Variants in SEC31A observed in about 807,000 individuals in gnomAD.
SEC31A encodes protein transport protein Sec31A.
A neutral mutation model predicts 151.0 loss-of-function variants in SEC31A; 70 were observed. The ratio of observed to expected loss-of-function variants is 0.46; its 90% CI spans 0.38 to 0.57. SEC31A has a LOEUF of 0.57. SEC31A is among the 20% of genes least tolerant of loss of function. SEC31A has a pLI of 0.00. For synonymous variants in SEC31A, 475 were observed against 505.9 expected (o/e 0.94, Z 0.82); for missense variants, 1,330 against 1,471.2 (o/e 0.90, Z 1.57).
At chr4:82,829,322 G>A (rs1405791571) in intron 22 of SEC31A, 1 of 339,518 alleles carries the variant, frequency 2.9e-6, no homozygotes, top group Non-Finnish European at 5.4e-6. Context: ...AATTTAGGGT[G>A]GTGAAGTTTT....
At chr4:82,821,274 C>T (rs1344848044) in intron 25 of SEC31A, 166 bp from the exon 26 acceptor site, 6 of 588,046 alleles carry the variant, frequency 1.0e-5, no homozygotes, top group Admixed American at 6.1e-5. Flanking sequence ...TATGGCCGGG[C>T]GTGGTGGCTC....
intron 14 of SEC31A, among the ~76,000 whole-genome samples, chr4:82,859,216 G>T (rs1238419049): frequency 6.6e-6 from 1 of 151,852 alleles, no homozygotes; most frequent in Non-Finnish European, 1.5e-5. Flanking sequence ...TATACATTTT[G>T]TGTTTACTCA....
At chr4:82,846,807 C>T (rs1251113714) in intron 20 of SEC31A, among the ~76,000 whole-genome samples, 1 of 152,114 alleles carries the variant, frequency 6.6e-6, no homozygotes, top group Non-Finnish European at 1.5e-5. Context: ...CTCCGCCTCC[C>T]GGGTTCAAGC....
chr4:82,871,422 G>C (rs1323105883), intron 7 of SEC31A: 1 of 1,504,508 alleles, frequency 6.6e-7, no homozygotes, highest in Non-Finnish European at 8.9e-7. Context: ...TTTAGGAACT[G>C]TGACTTTAAG....
At chr4:82,861,476 AT>A (rs1315314335) in intron 14 of SEC31A, among the ~76,000 whole-genome samples, 154 bp downstream of exon 14, 1 of 152,238 alleles carries the variant, frequency 6.6e-6, no homozygotes, top group Non-Finnish European at 1.5e-5. Flanking sequence ...TTCTGTCAGT[AT>A]AGGTAGATAG....
At chr4:82,845,373 T>A in intron 20 of SEC31A, 2 of 750,360 alleles carry the variant, frequency 2.7e-6, no homozygotes, top group Non-Finnish European at 3.9e-6. Context: ...CAAAAGGTAT[T>A]AATAGCCAGA....
At position 82,878,935 on chromosome 4, in the gene SEC31A, G is replaced by T; in HGVS notation, c.204-7C>A. On this transcript the variant is annotated splice_region_variant and splice_polypyrimidine_tract_variant and intron_variant, in intron 3 of 26. Transcript: ENST00000395310. ...CCAAATCAACTTGTGGTACCTACAG[G>T]AGAAAATGAATAAAATCATTCATTC... 1 of 1,597,884 alleles carries T rather than the reference G, an allele frequency of 6.3e-7. No homozygotes were observed. The highest frequency in any genetic ancestry group is 8.6e-7 in the Non-Finnish European group (1 of 1,168,718).
intron 25 of SEC31A, among the ~76,000 whole-genome samples, chr4:82,821,886 A>C (rs757375450): frequency 1.3e-5 from 2 of 152,232 alleles, no homozygotes; most frequent in Admixed American, 1.3e-4. Context: ...CAAAAATACT[A>C]CTTAAACACT....
At chr4:82,882,380 C>T (rs1442948937) in intron 1 of SEC31A, among the ~76,000 whole-genome samples, 11 of 119,164 alleles carry the variant, frequency 9.2e-5, no homozygotes, top group African/African-American at 2.1e-4. Flanking sequence ...CCAACCTGGG[C>T]GAGAGAGCAA....
intron 13 of SEC31A, among the ~76,000 whole-genome samples, 163 bp downstream of exon 13, chr4:82,862,371 A>T (rs1050000367): frequency 6.6e-6 from 1 of 152,142 alleles, no homozygotes; most frequent in Non-Finnish European, 1.5e-5. Context: ...AGCTAAGCTC[A>T]TGTTATTTTA....
upstream of SEC31A, chr4:82,895,871 A>G (rs952951451): frequency 6.6e-5 from 10 of 152,230 alleles, no homozygotes; most frequent in Admixed American, 4.6e-4. Context: ...ATCCACATAC[A>G]TTAATCACAA....
chr4:82,843,491 G>C (rs887542266), intron 21 of SEC31A, among the ~76,000 whole-genome samples: 2 of 152,072 alleles, frequency 1.3e-5, no homozygotes, highest in African/African-American at 4.8e-5. Flanking sequence ...GTGACCAAGA[G>C]TAGGTATGAA....
intron 7 of SEC31A, 25 bp downstream of exon 7, chr4:82,871,919 G>T (rs765407806): frequency 1.2e-6 from 2 of 1,613,826 alleles, no homozygotes; most frequent in South Asian, 2.2e-5. Context: ...AACAAATCAA[G>T]TTCTTTGTAA....
chr4:82,855,194 A>G (rs1292803068), intron 16 of SEC31A, among the ~76,000 whole-genome samples, 165 bp from the exon 17 acceptor site: 2 of 152,270 alleles, frequency 1.3e-5, no homozygotes, highest in African/African-American at 4.8e-5. Context: ...TCCTCAAGAA[A>G]CAACAGCAAC....
At chr4:82,828,893 C>T in intron 23 of SEC31A, 107 bp downstream of exon 23, 1 of 792,206 alleles carries the variant, frequency 1.3e-6, no homozygotes, top group Non-Finnish European at 2.2e-6. Context: ...ATACATCACT[C>T]AGTAAGCTTC....
chr4:82,880,958 AAAAT>A (rs772132871), intron 2 of SEC31A, 36 bp from the exon 3 acceptor site: 3 of 1,539,614 alleles, frequency 1.9e-6, no homozygotes, highest in Non-Finnish European at 2.6e-6. Flanking sequence ...TATACACACA[AAAAT>A]AAAAGATCAG....
intron 18 of SEC31A, among the ~76,000 whole-genome samples, chr4:82,852,136 C>A (rs1731582240): frequency 6.6e-6 from 1 of 152,104 alleles, no homozygotes; most frequent in Admixed American, 6.6e-5. Flanking sequence ...GGGCAGTTCC[C>A]CTGCACATGC....
rs191845026 is a variant in SEC31A at position 82,870,012 on chromosome 4, T to C, written c.882+313A>G. Among the ~76,000 whole-genome samples the C allele has an allele frequency of 1.0e-3, 156 of 152,332 alleles. 2 individuals are homozygous for C. The highest frequency in any genetic ancestry group is 3.5e-3 in the Admixed American group (53 of 15,286). On this transcript the variant is annotated intron_variant, in intron 8 of 26. Transcript: ENST00000395310. Reference sequence around the variant, plus strand: ...ACCTTGAACAATCCTACATCGAAGATACTGATTCCCATAAACCACATGTGA... The same window carrying C: ...ACCTTGAACAATCCTACATCGAAGACACTGATTCCCATAAACCACATGTGA...
chr4:82,891,314 C>T (rs781291577), upstream of SEC31A: 6 of 873,238 alleles, frequency 6.9e-6, no homozygotes, highest in East Asian at 1.4e-4. Context: ...CCGGCGGTAG[C>T]CTGGGAGGCG....
Sources: allele counts gnomAD v4.1 joint callset (sites outside exome capture counted in the v4.1 genomes callset), GRCh38; gene constraint gnomAD v4.1.1; transcripts MANE v1.5; gene names NCBI Gene and HGNC (gene_info 2026-07-23, HGNC 2026-07-21).